Variants in NIPA1 observed in about 807,000 individuals in gnomAD.
NIPA1 encodes the protein NIPA magnesium transporter 1.
Under a neutral mutation model 23.9 loss-of-function variants are expected in NIPA1, and 13 were observed. That is an observed-to-expected ratio of 0.54 (90% CI 0.35 to 0.87). The LOEUF (loss-of-function observed/expected upper bound fraction) is 0.87, where lower values mean the gene tolerates loss of function less well. Among genes scored for constraint, NIPA1 ranks in the 40% least tolerant of loss-of-function variants. The pLI is 0.01. For synonymous variants in NIPA1, 234 were observed against 202.9 expected (o/e 1.15, Z -1.30); for missense variants, 362 against 429.7 (o/e 0.84, Z 1.39).
At chr15:22,791,164 T>C in intron 1 of NIPA1, among the ~76,000 whole-genome samples, 1 of 152,262 alleles carries the variant, frequency 6.6e-6, no homozygotes, top group Non-Finnish European at 1.5e-5. Flanking sequence ...ACTGGCGAAG[T>C]ATGAAATTAA....
intron 1 of NIPA1, among the ~76,000 whole-genome samples, chr15:22,787,576 G>T (rs1054800643): frequency 6.6e-6 from 1 of 152,220 alleles, no homozygotes; most frequent in African/African-American, 2.4e-5. Context: ...GCTCTGCGGG[G>T]TAGAGCTCTC....
chr15:22,810,700 G>A lies in NIPA1; in HGVS notation c.179-49G>A, dbSNP rs985142136. On this transcript the variant is annotated intron_variant, in intron 1 of 4. Transcript: ENST00000337435. ...GCTTGTAAACCTCTTCCTGATATAC[G>A]TAGCTGGTAAACCCACTTTTCTGAC... The A allele has an allele frequency of 7.2e-6, 8 of 1,115,034 alleles. 1 individual carries two copies. Among genetic ancestry groups the A allele is most frequent in the African/African-American group, 3.1e-5 (2 of 65,246 alleles). The allele number at this position is 1,115,034 out of a possible 1,614,324, so 69.1% of individuals were successfully genotyped here.
intron 3 of NIPA1, among the ~76,000 whole-genome samples, chr15:22,816,067 T>G (rs991981702): frequency 1.3e-4 from 20 of 151,866 alleles, no homozygotes; most frequent in African/African-American, 4.4e-4. Context: ...CATCTATTCA[T>G]CATTGTACTG....
rs1895648841 is a variant in NIPA1, at chr15:22,826,212, A to T, written c.*1973A>T. 1 of 152,178 alleles carries T rather than the reference A, an allele frequency of 6.6e-6. No individual in the cohort carries two copies. Among genetic ancestry groups the T allele is most frequent in the Non-Finnish European group, 1.5e-5 (1 of 68,030 alleles). The allele number at this position is 152,178 out of a possible 1,614,324, so 9.4% of individuals were successfully genotyped here. On this transcript the variant is annotated 3_prime_UTR_variant, in exon 5 of 5. Coordinates refer to ENST00000337435, the MANE Select transcript of NIPA1 (RefSeq NM_144599.5). ...AGAGAAAAATACCTTTATGGAGTAA[A>T]CGTGTACATGATGATCATGGGTTGT...
At chr15:22,804,822 A>G (rs1393064580) in intron 1 of NIPA1, among the ~76,000 whole-genome samples, 1 of 151,872 alleles carries the variant, frequency 6.6e-6, no homozygotes, top group Non-Finnish European at 1.5e-5. Context: ...TACTGTCTTG[A>G]TTATATAGTT....
intron 1 of NIPA1, among the ~76,000 whole-genome samples, chr15:22,802,001 G>A (rs1412466263): frequency 6.6e-6 from 1 of 152,158 alleles, no homozygotes; most frequent in Non-Finnish European, 1.5e-5. Flanking sequence ...AACAGGGAAT[G>A]ACATTTCCCA....
intron 1 of NIPA1, among the ~76,000 whole-genome samples, chr15:22,792,314 T>G (rs1894846705): frequency 6.6e-6 from 1 of 151,720 alleles, no homozygotes; most frequent in Non-Finnish European, 1.5e-5. Flanking sequence ...ACAGGCTTCC[T>G]GGGGACAGTC....
chr15:22,804,592 G>C (rs12914434), intron 1 of NIPA1, among the ~76,000 whole-genome samples: 66,685 of 151,972 alleles, frequency 0.44, 19,797 homozygotes, highest in African/African-American at 0.83. Context: ...TTAGTGTTTA[G>C]CGTTAGGTCC....
intron 3 of NIPA1, among the ~76,000 whole-genome samples, chr15:22,816,813 A>G (rs969909798): frequency 1.3e-5 from 2 of 151,748 alleles, no homozygotes; most frequent in African/African-American, 4.8e-5. Flanking sequence ...TTATATAGAG[A>G]GTCCTAAAGA....
At chr15:22,800,445 G>T (rs1220450997) in intron 1 of NIPA1, among the ~76,000 whole-genome samples, 2 of 152,022 alleles carry the variant, frequency 1.3e-5, no homozygotes, top group African/African-American at 4.8e-5. Context: ...GAATCAGGAT[G>T]CAGTTAAGAC....
intron 4 of NIPA1, 100 bp from the exon 5 acceptor site, chr15:22,823,628 G>A (rs1895587665): frequency 3.3e-6 from 4 of 1,203,804 alleles, no homozygotes; most frequent in Admixed American, 4.0e-5. Flanking sequence ...GAGGCCGGTG[G>A]CGGGTGGCGG....
At chr15:22,789,996 G>C (rs756919144) in intron 1 of NIPA1, among the ~76,000 whole-genome samples, 1 of 152,126 alleles carries the variant, frequency 6.6e-6, no homozygotes, top group African/African-American at 2.4e-5. Flanking sequence ...GTTTCACCAT[G>C]TTGGCCAGGC....
Position 22,829,633 on chromosome 15 carries a change from CAT to C in NIPA1, c.*5395_*5396del, listed in dbSNP as rs886050987. 8 of 152,152 alleles carry C rather than the reference CAT, an allele frequency of 5.3e-5. No homozygotes were observed. The highest frequency in any genetic ancestry group is 8.8e-5 in the Non-Finnish European group (6 of 68,038). The allele number at this position is 152,152 out of a possible 1,614,324, so 9.4% of individuals were successfully genotyped here. ...AGCTTCCAATTAGCATACATAGACA[CAT>C]GTGTCAGTGGCCAAGACCTGCTTAT... is the stretch of plus-strand genomic sequence containing the variant. On this transcript the variant is annotated 3_prime_UTR_variant, in exon 5 of 5. Transcript: ENST00000337435.
intron 2 of NIPA1, 32 bp from the exon 3 acceptor site, chr15:22,812,131 T>G (rs775441910): frequency 1.3e-6 from 2 of 1,510,528 alleles, no homozygotes; most frequent in Non-Finnish European, 1.8e-6. Context: ...GCTCTGTAAT[T>G]GCAAGTAGTA....
chr15:22,812,652 TAA>T (rs60183245), intron 3 of NIPA1, among the ~76,000 whole-genome samples: 1 of 146,558 alleles, frequency 6.8e-6, no homozygotes, highest in Non-Finnish European at 1.5e-5. Flanking sequence ...GACTCTGCCT[TAA>T]AAAAAAAAAA....
chr15:22,787,397 C>T (rs1894731536), intron 1 of NIPA1, among the ~76,000 whole-genome samples: 1 of 152,228 alleles, frequency 6.6e-6, no homozygotes, highest in Non-Finnish European at 1.5e-5. Flanking sequence ...GCTCTCAGGG[C>T]TGTGCGTTCC....
At chr15:22,792,974 T>C (rs1404472836) in intron 1 of NIPA1, among the ~76,000 whole-genome samples, 3 of 151,812 alleles carry the variant, frequency 2.0e-5, no homozygotes, top group East Asian at 1.9e-4. Flanking sequence ...ACAAAAAGAA[T>C]TGGGTTGGTA....
chr15:22,786,301 T>C (rs544534338), upstream of NIPA1: 1 of 152,316 alleles, frequency 6.6e-6, no homozygotes, highest in Non-Finnish European at 1.5e-5. Context: ...TGCCCGCCGG[T>C]GCGTCCTGCC....
At chr15:22,791,498 TTG>T (rs1491107698) in intron 1 of NIPA1, among the ~76,000 whole-genome samples, 2,215 of 114,182 alleles carry the variant, frequency 0.019, 642 homozygotes, top group Middle Eastern at 0.052. Flanking sequence ...TTTTTTTTTT[TTG>T]TGAGACGGAG....
Sources: allele counts gnomAD v4.1 joint callset (sites outside exome capture counted in the v4.1 genomes callset), GRCh38; gene constraint gnomAD v4.1.1; transcripts MANE v1.5; gene names NCBI Gene and HGNC (gene_info 2026-07-23, HGNC 2026-07-21).